The following FANCA variants were observed in gnomAD, a reference collection of about 807,000 sequenced individuals.
FANCA encodes the protein Fanconi anemia group A protein.
A neutral mutation model predicts 194.3 loss-of-function variants in FANCA; 236 were observed. The ratio of observed to expected loss-of-function variants is 1.21; its 90% CI spans 1.09 to 1.35. FANCA has a LOEUF of 1.35. Ranked by LOEUF, FANCA falls within the 40% of genes most tolerant of loss-of-function variation. The probability of loss-of-function intolerance (pLI) is 0.00; values close to 1 mark genes in which losing one functional copy is unlikely to be tolerated. For missense variants in FANCA, 2,628 were observed against 1,813.9 expected, an observed-to-expected ratio of 1.45 and a Z score of -8.15; for synonymous variants, 1,014 against 715.8, an observed-to-expected ratio of 1.42 and a Z score of -6.65.
chr16:89,814,566 G>C lies in FANCA; in HGVS notation c.237C>G (p.Asp79Glu), dbSNP rs144151341. 6.2e-7 allele frequency: 1 copy of C among 1,613,796 alleles called. No homozygotes were observed. The highest frequency in any genetic ancestry group is 8.5e-7 in the Non-Finnish European group (1 of 1,179,820). ...CKKLSLSKVI[D>E]CDSSEAYANH... ...TAGCATAGGCCTCAGAACTGTCACA[G>C]TCAATCACTTTGCTGAGAGACAATT... Residue 79 changes from aspartate (D) to glutamate (E), a missense_variant, in exon 3 of 43, where the codon GAC becomes GAG. Coordinates refer to ENST00000389301, the MANE Select transcript of FANCA (RefSeq NM_000135.4).
chr16:89,761,724 A>G (rs1283558548), intron 29 of FANCA, among the ~76,000 whole-genome samples: 1 of 152,114 alleles, frequency 6.6e-6, no homozygotes, highest in Admixed American at 6.6e-5. Flanking sequence ...TCCCAGGCTC[A>G]AGCAATGCTC....
rs1044370233 is a variant in FANCA at position 89,804,682 on chromosome 16, T to C, written c.709+598A>G. Among the ~76,000 whole-genome samples, 7 of 152,310 alleles carry C rather than the reference T, an allele frequency of 4.6e-5. No homozygotes were observed. In the East Asian group the frequency reaches 1.3e-3, roughly 29 times the overall value. ...CTAGTCTGAGCCATCCTCTGGTCTC[T>C]CAGCACCTTCTTAGTTTGTGGGGGG... On this transcript the variant is annotated intron_variant, in intron 7 of 42. Coordinates refer to ENST00000389301, the MANE Select transcript of FANCA (RefSeq NM_000135.4).
At chr16:89,773,236 CAT>C (rs1470749913) in intron 22 of FANCA, 33 bp downstream of exon 22, 37 of 1,486,806 alleles carry the variant, frequency 2.5e-5, no homozygotes, top group Non-Finnish European at 2.9e-5. Context: ...AGGCTGCACA[CAT>C]GAGACACAGC....
chr16:89,760,290 C>T (rs2038908702), intron 29 of FANCA, among the ~76,000 whole-genome samples: 1 of 152,254 alleles, frequency 6.6e-6, no homozygotes. Flanking sequence ...GAACCATCAG[C>T]ACGTGTTTTG....
At chr16:89,743,806 A>G (rs1213121422) in intron 36 of FANCA, among the ~76,000 whole-genome samples, 6 of 151,688 alleles carry the variant, frequency 4.0e-5, no homozygotes, top group Admixed American at 3.9e-4. Flanking sequence ...GTGGGTGACA[A>G]GAGTGAAACT....
At chr16:89,795,043 G>C (rs1302763193) in intron 11 of FANCA, among the ~76,000 whole-genome samples, 1 of 152,182 alleles carries the variant, frequency 6.6e-6, no homozygotes, top group African/African-American at 2.4e-5. Flanking sequence ...CCAGTATTTT[G>C]GGAGGCCGAG....
At position 89,804,632 on chromosome 16, in the gene FANCA, A is replaced by G. The variant is rs113894473; in HGVS notation, c.709+648T>C. 7.2e-5 allele frequency among the ~76,000 whole-genome samples: 11 copies of G among 152,034 alleles called. 1 individual carries two copies. The highest frequency in any genetic ancestry group is 2.4e-4 in the African/African-American group (10 of 41,468). ...TCCAAGCCATCTTCTGACAAACCCA[A>G]CTACTCCTCAAACTGGGTTGGTCCC... On this transcript the variant is annotated intron_variant, in intron 7 of 42. Coordinates refer to ENST00000389301, the MANE Select transcript of FANCA (RefSeq NM_000135.4).
chr16:89,770,367 A>G, intron 24 of FANCA, 108 bp from the exon 25 acceptor site: 1 of 1,150,816 alleles, frequency 8.7e-7, no homozygotes. Context: ...GCTGTTCCCC[A>G]AAACAGTGGT....
rs1006365177 is a variant in FANCA, at chr16:89,800,666, C to T, written c.793-1028G>A. 3.3e-5 allele frequency among the ~76,000 whole-genome samples: 5 copies of T among 152,098 alleles called. No individual in the cohort carries two copies. The East Asian group carries it at 5.8e-4, about 18-fold the overall frequency. On this transcript the variant is annotated intron_variant, in intron 8 of 42. Coordinates refer to ENST00000389301, the MANE Select transcript of FANCA (RefSeq NM_000135.4). Reference sequence around the variant, plus strand: ...CACTGCCTGAGGTCAAAATATACTACGAGGCTACAGAAATGAAAACAGCAT... The same window carrying T: ...CACTGCCTGAGGTCAAAATATACTATGAGGCTACAGAAATGAAAACAGCAT...
In FANCA at chr16:89,758,559, A is replaced by G. The variant is rs768087335; in HGVS notation, c.2981+18T>C. The G allele has an allele frequency of 6.2e-7, 1 of 1,612,578 alleles. No homozygotes were observed. The highest frequency in any genetic ancestry group is 8.5e-7 in the Non-Finnish European group (1 of 1,178,940). On this transcript the variant is annotated intron_variant, in intron 30 of 42. Coordinates refer to ENST00000389301, the MANE Select transcript of FANCA (RefSeq NM_000135.4). Reference sequence around the variant, plus strand: ...TCCTGTCCCTCCAGAGAACCCTAATACAGTGTGTGCTGCTAACCTTTGGTG... The same window carrying G: ...TCCTGTCCCTCCAGAGAACCCTAATGCAGTGTGTGCTGCTAACCTTTGGTG...
At chr16:89,791,697 C>CTA (rs1280904940) in intron 13 of FANCA, 161 bp from the exon 14 acceptor site, 10 of 1,081,282 alleles carry the variant, frequency 9.2e-6, no homozygotes, top group Non-Finnish European at 1.4e-5. Flanking sequence ...CAAGTGCAAA[C>CTA]CACTAGAGAC....
At chr16:89,781,090 C>T (rs180883670) in intron 17 of FANCA, among the ~76,000 whole-genome samples, 4 of 152,234 alleles carry the variant, frequency 2.6e-5, no homozygotes, top group East Asian at 1.9e-4. Flanking sequence ...GAGGGCCAGG[C>T]GCAGTGGCTC....
At chr16:89,741,874 C>A (rs1276407853) in intron 37 of FANCA, among the ~76,000 whole-genome samples, 1 of 152,172 alleles carries the variant, frequency 6.6e-6, no homozygotes, top group African/African-American at 2.4e-5. Context: ...AGCATTTACG[C>A]TGGGCTGTGA....
chr16:89,771,557 C>T, intron 23 of FANCA, 121 bp downstream of exon 23: 1 of 1,180,766 alleles, frequency 8.5e-7, no homozygotes, highest in Non-Finnish European at 1.2e-6. Flanking sequence ...CCTGGAACAT[C>T]TGATACGACA....
chr16:89,781,350 C>G (rs1439252893), intron 17 of FANCA, among the ~76,000 whole-genome samples: 1 of 112,130 alleles, frequency 8.9e-6, no homozygotes, highest in Non-Finnish European at 1.7e-5. Context: ...GGCAATAGAA[C>G]GAGACTCCAT....
intron 28 of FANCA, among the ~76,000 whole-genome samples, chr16:89,762,947 GAAAA>G (rs61684026): frequency 5.9e-5 from 7 of 117,652 alleles, no homozygotes; most frequent in Admixed American, 8.5e-5. Flanking sequence ...CTAAAAATAC[GAAAA>G]AAAAAAAAAA....
chr16:89,776,365 C>T (rs1388742613), intron 20 of FANCA, among the ~76,000 whole-genome samples: 1 of 151,226 alleles, frequency 6.6e-6, no homozygotes, highest in Non-Finnish European at 1.5e-5. Context: ...GACGGAGTTT[C>T]ACCATGTTCA....
intron 20 of FANCA, among the ~76,000 whole-genome samples, chr16:89,776,435 G>A (rs1349298132): frequency 6.6e-6 from 1 of 151,616 alleles, no homozygotes; most frequent in Non-Finnish European, 1.5e-5. Context: ...CCAAAGTGCT[G>A]GGATTACAGG....
At chr16:89,806,104 G>C (rs1322391796) in intron 6 of FANCA, among the ~76,000 whole-genome samples, 1 of 152,030 alleles carries the variant, frequency 6.6e-6, no homozygotes, top group Admixed American at 6.6e-5. Context: ...GTAGAGACAG[G>C]GTTTCACCAC....
Sources: allele counts gnomAD v4.1 joint callset (sites outside exome capture counted in the v4.1 genomes callset), GRCh38; gene constraint gnomAD v4.1.1; transcripts MANE v1.5; gene names NCBI Gene and HGNC (gene_info 2026-07-23, HGNC 2026-07-21).